Variants in STK3 observed in about 807,000 individuals in gnomAD.
STK3 encodes the protein serine/threonine-protein kinase 3.
A neutral mutation model predicts 58.0 loss-of-function variants in STK3; 41 were observed. The ratio of observed to expected loss-of-function variants is 0.71; its 90% confidence interval spans 0.55 to 0.92. The LOEUF is 0.92. Among genes scored for constraint, STK3 ranks in the 40% least tolerant of loss-of-function variants. STK3 has a pLI of 0.00. For synonymous variants in STK3, 170 were observed against 191.0 expected (o/e 0.89, Z 0.91); for missense variants, 479 against 602.7 (o/e 0.79, Z 2.15).
chr8:98,827,976 A>C (rs1262814374), upstream of STK3, among the ~76,000 whole-genome samples: 3 of 150,066 alleles, frequency 2.0e-5, no homozygotes, highest in East Asian at 5.9e-4. Flanking sequence ...CTTCCATGCC[A>C]TACTCCCAGC....
At chr8:98,496,781 CAG>C (rs1169295844) in intron 10 of STK3, among the ~76,000 whole-genome samples, 3 of 151,944 alleles carry the variant, frequency 2.0e-5, no homozygotes, top group Non-Finnish European at 1.5e-5. Context: ...TTCATAGAAA[CAG>C]AAAGTATAAT....
chr8:98,776,780 G>C (rs945607289), intron 1 of STK3, among the ~76,000 whole-genome samples: 1 of 151,908 alleles, frequency 6.6e-6, no homozygotes, highest in Non-Finnish European at 1.5e-5. Flanking sequence ...GGCCAGGAGC[G>C]GTGGCTCACG....
chr8:98,853,490 T>C (rs1270766850), intron 3 of STK3, among the ~76,000 whole-genome samples: 1 of 152,228 alleles, frequency 6.6e-6, no homozygotes, highest in Non-Finnish European at 1.5e-5. Flanking sequence ...CACCTCCTCG[T>C]TCTTACTTTC....
At chr8:98,377,344 T>C (rs574794542) in intron 2 of STK3, among the ~76,000 whole-genome samples, 1 of 152,328 alleles carries the variant, frequency 6.6e-6, no homozygotes, top group East Asian at 1.9e-4. Context: ...TTAAATTTTA[T>C]GTAATTTATT....
chr8:98,660,712 T>C (rs969093604), intron 6 of STK3, among the ~76,000 whole-genome samples: 4 of 152,102 alleles, frequency 2.6e-5, no homozygotes, highest in Non-Finnish European at 5.9e-5. Context: ...AGCCAAGACT[T>C]TCTGCTTTGA....
At chr8:98,664,617 T>C (rs920919552) in intron 6 of STK3, among the ~76,000 whole-genome samples, 2 of 152,216 alleles carry the variant, frequency 1.3e-5, no homozygotes, top group African/African-American at 2.4e-5. Context: ...CGACATCTTA[T>C]AAGGTGTTCC....
At chr8:98,398,578 C>T (rs538877884), downstream of STK3, among the ~76,000 whole-genome samples, 3 of 152,274 alleles carry the variant, frequency 2.0e-5, no homozygotes, top group Middle Eastern at 3.4e-3. Flanking sequence ...TGTGCCTCGC[C>T]GCTCTTAGTC....
At chr8:98,821,909 C>T (rs771371129) in intron 1 of STK3, among the ~76,000 whole-genome samples, 2 of 152,142 alleles carry the variant, frequency 1.3e-5, no homozygotes, top group Non-Finnish European at 2.9e-5. Context: ...GGGCTACACA[C>T]TGGAATCTCC....
chr8:98,370,542 A>G (rs1343827304), downstream of STK3, among the ~76,000 whole-genome samples: 1 of 152,112 alleles, frequency 6.6e-6, no homozygotes, highest in Non-Finnish European at 1.5e-5. Flanking sequence ...AAGGACCATC[A>G]TCTCCCGGCT....
downstream of STK3, chr8:98,882,584 T>C (rs1837838394): frequency 6.6e-6 from 1 of 152,108 alleles, no homozygotes; most frequent in Admixed American, 6.6e-5. Context: ...GCCCAGCTAG[T>C]TTTTGTATTT....
At chr8:98,561,403 A>G (rs1812026867) in intron 8 of STK3, among the ~76,000 whole-genome samples, 1 of 152,144 alleles carries the variant, frequency 6.6e-6, no homozygotes, top group Non-Finnish European at 1.5e-5. Flanking sequence ...CATAAAACCT[A>G]TAGAAGAAAA....
intron 6 of STK3, chr8:98,598,183 T>C: frequency 2.0e-6 from 2 of 985,416 alleles, no homozygotes; most frequent in Non-Finnish European, 2.4e-6. Flanking sequence ...GATAACACAA[T>C]GATTTATGTC....
chr8:98,800,870 C>CCA lies in STK3; in HGVS notation c.26+24643_26+24644dup, dbSNP rs1833498910. Among the ~76,000 whole-genome samples the CCA allele has an allele frequency of 6.6e-6, 1 of 152,248 alleles. No homozygotes were observed. The highest frequency in any genetic ancestry group is 1.5e-5 in the Non-Finnish European group (1 of 68,042). ...GCAGCCCCCCATGCCAGAGCCCCCC[C>CCA]CACCAAGGTGGGCTCCCGTGCAGCC... On this transcript the variant is annotated intron_variant, in intron 1 of 10. Transcript: ENST00000419617. The surrounding 1 kb of genome is among the most constrained non-coding windows in gnomAD (Gnocchi z 4.8).
intron 2 of STK3, among the ~76,000 whole-genome samples, chr8:98,378,620 G>A (rs1358428157): frequency 6.6e-6 from 1 of 152,202 alleles, no homozygotes; most frequent in Non-Finnish European, 1.5e-5. Context: ...GTGAATACGT[G>A]TGAATAAATG....
At chr8:98,891,051 T>G (rs1461953095) in intron 1 of STK3, among the ~76,000 whole-genome samples, 1 of 152,232 alleles carries the variant, frequency 6.6e-6, no homozygotes, top group Non-Finnish European at 1.5e-5. Context: ...GCAAATGGCT[T>G]ATACATTGTT....
rs184256937 is a variant in STK3 at position 98,932,733 on chromosome 8, C to T, written c.-79+9645G>A. Among the ~76,000 whole-genome samples the T allele has an allele frequency of 2.6e-5, 4 of 152,312 alleles. No individual in the cohort carries two copies. In the East Asian group the frequency reaches 7.7e-4, roughly 29 times the overall value. ...AAACAGCCCCCAGGTGAGGCCAATG[C>T]TCCTGGTCCTCCAGCCATACTTCGA... On this transcript the variant is annotated intron_variant, in intron 1 of 1. Coordinates refer to the STK3 transcript ENST00000519420.
chr8:98,687,317 A>G (rs1824073546), intron 6 of STK3, among the ~76,000 whole-genome samples: 1 of 152,232 alleles, frequency 6.6e-6, no homozygotes, highest in Admixed American at 6.5e-5. Context: ...TCAGTTCATC[A>G]GGCATTAGTT....
At chr8:98,686,504 C>G (rs1171881721) in intron 6 of STK3, among the ~76,000 whole-genome samples, 1 of 152,134 alleles carries the variant, frequency 6.6e-6, no homozygotes, top group Admixed American at 6.6e-5. Context: ...TCAAGAGTGT[C>G]ATTCTCGTTG....
Position 98,858,739 on chromosome 8 carries a change from A to G in STK3, c.110+24908T>C, listed in dbSNP as rs140671885. On this transcript the variant is annotated intron_variant, in intron 3 of 12. Coordinates refer to the STK3 transcript ENST00000523601. ...AAATCCTGTCTCTACTAAAAATACA[A>G]AAATTAGCTGGGCGTGGTGGTGCAT... Among the ~76,000 whole-genome samples, 344 of 151,976 alleles carry G rather than the reference A, an allele frequency of 2.3e-3. 8 individuals carry two copies. In the East Asian group the frequency reaches 0.047, roughly 21 times the overall value.
Sources: gnomAD v4.1 joint callset for allele counts (sites outside exome capture counted in the v4.1 genomes callset) on GRCh38, gnomAD v4.1.1 for gene constraint, Gnocchi (gnomAD v3.1) non-coding constraint, MANE v1.5 for transcripts, NCBI Gene and HGNC (gene_info 2026-07-23, HGNC 2026-07-21) for gene names.